SAMD12: variants seen among roughly 807,000 people sequenced by gnomAD.
SAMD12 encodes the protein sterile alpha motif domain-containing protein 12.
SAMD12 carries 9 observed loss-of-function variants against 15.0 expected under a neutral mutation model. The observed-to-expected ratio is 0.60, with a 90% CI of 0.36 to 1.05. SAMD12 has a LOEUF of 1.05. Among genes scored for constraint, SAMD12 ranks in the 50% least tolerant of loss-of-function variants. The pLI is 0.01. For missense variants in SAMD12, 230 were observed against 234.2 expected (o/e 0.98, Z 0.12); for synonymous variants, 86 against 90.1 (o/e 0.96, Z 0.25).
chr8:118,289,505 A>G (rs756963707), intron 4 of SAMD12, among the ~76,000 whole-genome samples: 1 of 152,220 alleles, frequency 6.6e-6, no homozygotes, highest in Non-Finnish European at 1.5e-5. Context: ...GCAAACCCAC[A>G]TTCTCCAAAG....
At chr8:118,223,482 T>C (rs1812124248) in intron 4 of SAMD12, among the ~76,000 whole-genome samples, 1 of 152,188 alleles carries the variant, frequency 6.6e-6, no homozygotes, top group Admixed American at 6.5e-5. Context: ...GTATGGTGGA[T>C]AGAAACAGAA....
intron 3 of SAMD12, 115 bp downstream of exon 3, chr8:118,439,717 C>A (rs373763831): frequency 3.0e-6 from 3 of 998,446 alleles, no homozygotes; most frequent in South Asian, 3.0e-5. Context: ...TGGAAGTAAA[C>A]CCATGCCAGA....
chr8:118,139,288 G>A, the SAMD12 span, among the ~76,000 whole-genome samples: 6 of 151,190 alleles, frequency 4.0e-5, no homozygotes, highest in Admixed American at 1.3e-4. Flanking sequence ...TGGCAAAGAA[G>A]GAAACATAAC....
intron 2 of SAMD12, among the ~76,000 whole-genome samples, chr8:118,571,910 T>C (rs1827022227): frequency 6.6e-6 from 1 of 152,128 alleles, no homozygotes; most frequent in African/African-American, 2.4e-5. Context: ...AGCAGAACTA[T>C]GAGAAGACGG....
At chr8:118,517,868 G>T (rs890362427) in intron 2 of SAMD12, among the ~76,000 whole-genome samples, 8 of 152,124 alleles carry the variant, frequency 5.3e-5, no homozygotes, top group African/African-American at 1.9e-4. Flanking sequence ...GGAGGAGGGT[G>T]CTGATTCACA....
intron 4 of SAMD12, among the ~76,000 whole-genome samples, chr8:118,207,645 G>A (rs760237927): frequency 1.2e-4 from 18 of 152,136 alleles, no homozygotes; most frequent in Non-Finnish European, 2.1e-4. Flanking sequence ...ACAGAGCACA[G>A]AGCCTTGTGT....
At chr8:118,142,055 A>G in the SAMD12 span, among the ~76,000 whole-genome samples, 1 of 152,160 alleles carries the variant, frequency 6.6e-6, no homozygotes, top group Admixed American at 6.5e-5. Context: ...TGTGGCCCCA[A>G]CTAGAGATTC....
At chr8:118,579,563 A>G (rs1161529219) in intron 2 of SAMD12, among the ~76,000 whole-genome samples, 2 of 152,198 alleles carry the variant, frequency 1.3e-5, no homozygotes, top group African/African-American at 2.4e-5. Context: ...AAGAGAAGCA[A>G]TAACAGTAAT....
chr8:118,593,683 C>T (rs1341754930), intron 1 of SAMD12, among the ~76,000 whole-genome samples: 1 of 152,008 alleles, frequency 6.6e-6, no homozygotes, highest in Non-Finnish European at 1.5e-5. Context: ...ACTGGGAGAA[C>T]CCAATGTTAA....
the SAMD12 span, among the ~76,000 whole-genome samples, chr8:118,141,365 T>G: frequency 6.6e-6 from 1 of 152,220 alleles, no homozygotes. Flanking sequence ...AAATGCATGG[T>G]CTCATTAGAA....
chr8:118,603,438 A>G (rs555470762), intron 1 of SAMD12, among the ~76,000 whole-genome samples: 4 of 152,202 alleles, frequency 2.6e-5, no homozygotes, highest in Admixed American at 1.3e-4. Context: ...TTTCCCAAAA[A>G]CATGACTGGA....
At chr8:118,277,581 T>TAAAAAAA (rs1373853636) in intron 4 of SAMD12, among the ~76,000 whole-genome samples, 1 of 125,226 alleles carries the variant, frequency 8.0e-6, no homozygotes, top group Non-Finnish European at 1.7e-5. Context: ...GTCTCCTGAG[T>TAAAAAAA]AAAAAAAAAA....
At chr8:118,560,005 G>A (rs1245451929) in intron 2 of SAMD12, among the ~76,000 whole-genome samples, 2 of 144,914 alleles carry the variant, frequency 1.4e-5, no homozygotes, top group Non-Finnish European at 2.9e-5. Flanking sequence ...CTTTTTGGGA[G>A]TCATTATGTA....
At chr8:118,269,732 G>A (rs145462256) in intron 4 of SAMD12, among the ~76,000 whole-genome samples, 158 of 152,244 alleles carry the variant, frequency 1.0e-3, no homozygotes, top group African/African-American at 3.5e-3. Context: ...CAATACTCTG[G>A]TAGTGTTTAC....
chr8:118,174,280 T>A, the SAMD12 span, among the ~76,000 whole-genome samples: 1 of 152,232 alleles, frequency 6.6e-6, no homozygotes, highest in African/African-American at 2.4e-5. Context: ...CCAGTGAGAC[T>A]GAAGGCTCCC....
At chr8:118,344,769 G>T (rs1289043961) in intron 4 of SAMD12, among the ~76,000 whole-genome samples, 1 of 152,096 alleles carries the variant, frequency 6.6e-6, no homozygotes, top group African/African-American at 2.4e-5. Context: ...CTCTCAGCAG[G>T]AGCTCAATCA....
At chr8:118,288,067 C>A (rs1012087577) in intron 4 of SAMD12, among the ~76,000 whole-genome samples, 1 of 152,046 alleles carries the variant, frequency 6.6e-6, no homozygotes, top group Non-Finnish European at 1.5e-5. Flanking sequence ...AAGCGTGGGC[C>A]TATGAGCAGT....
chr8:118,419,007 A>T (rs1281012924), intron 3 of SAMD12, among the ~76,000 whole-genome samples: 1 of 152,194 alleles, frequency 6.6e-6, no homozygotes, highest in African/African-American at 2.4e-5. Context: ...ATAAGGAATG[A>T]CTATGCCTGA....
intron 2 of SAMD12, among the ~76,000 whole-genome samples, chr8:118,545,295 C>T (rs1376833366): frequency 6.6e-6 from 1 of 152,124 alleles, no homozygotes; most frequent in Non-Finnish European, 1.5e-5. Context: ...GGTGAAATCT[C>T]ATCTCCACTA....
Sources: gnomAD v4.1 joint callset for allele counts (sites outside exome capture counted in the v4.1 genomes callset) on GRCh38, gnomAD v4.1.1 for gene constraint, MANE v1.5 for transcripts, NCBI Gene and HGNC (gene_info 2026-07-23, HGNC 2026-07-21) for gene names.